RIMKLA: variants seen among roughly 807,000 people sequenced by gnomAD.
RIMKLA encodes ribosomal modification protein rimK like family member A.
A neutral mutation model predicts 32.7 loss-of-function variants in RIMKLA; 14 were observed. That is an observed-to-expected ratio of 0.43 (90% CI 0.28 to 0.67). The LOEUF (loss-of-function observed/expected upper bound fraction) is 0.67. RIMKLA is among the 30% of genes least tolerant of loss of function. The probability of loss-of-function intolerance (pLI) is 0.18; values close to 1 mark genes in which losing one functional copy is unlikely to be tolerated. For synonymous variants in RIMKLA, 176 were observed against 204.1 expected (o/e 0.86, Z 1.18); for missense variants, 410 against 519.0 (o/e 0.79, Z 2.04).
intron 3 of RIMKLA, among the ~76,000 whole-genome samples, chr1:42,408,977 G>A (rs1325077100): frequency 6.6e-6 from 1 of 151,886 alleles, no homozygotes; most frequent in Non-Finnish European, 1.5e-5. Flanking sequence ...GGAGGCTGAG[G>A]CAGGCAGATC....
At chr1:42,396,778 A>G (rs1479405653) in intron 1 of RIMKLA, among the ~76,000 whole-genome samples, 1 of 152,230 alleles carries the variant, frequency 6.6e-6, no homozygotes, top group African/African-American at 2.4e-5. Context: ...CTGTGTAGTA[A>G]TAATGCCAGT....
At chr1:42,411,336 T>TAA (rs552496213) in intron 4 of RIMKLA, among the ~76,000 whole-genome samples, 2,745 of 139,326 alleles carry the variant, frequency 0.02, 91 homozygotes, top group African/African-American at 0.066. Context: ...CCCTATCTCT[T>TAA]AAAAAAAAAA....
At chr1:42,393,275 T>C (rs1312008821) in intron 1 of RIMKLA, among the ~76,000 whole-genome samples, 1 of 152,224 alleles carries the variant, frequency 6.6e-6, no homozygotes. Flanking sequence ...AAGTAGGTGC[T>C]AAATAAATAT....
intron 2 of RIMKLA, among the ~76,000 whole-genome samples, chr1:42,402,035 G>A (rs879874124): frequency 6.6e-6 from 1 of 152,154 alleles, no homozygotes; most frequent in Non-Finnish European, 1.5e-5. Context: ...CGGGATGGCG[G>A]GAAGCTGGGA....
In RIMKLA at chr1:42,385,834, T is replaced by TTCTCTCTCTCTCTCTC. The variant is rs1230290751; in HGVS notation, c.163+4740_163+4741insCTCTCTCTCTCTCTCT. Among the ~76,000 whole-genome samples, 22 of 75,584 alleles carry TTCTCTCTCTCTCTCTC rather than the reference T, an allele frequency of 2.9e-4. 1 individual carries two copies. The highest frequency in any genetic ancestry group is 8.8e-4 in the African/African-American group (20 of 22,848). The allele number at this position is 75,584 out of a possible 152,430, so 49.6% of individuals were successfully genotyped here. A position where few individuals can be genotyped will look rare whatever the true frequency, so the allele number is the denominator to read the frequency against. On this transcript the variant is annotated intron_variant, in intron 1 of 4. Coordinates refer to ENST00000431473, the MANE Select transcript of RIMKLA (RefSeq NM_173642.4). ...TTCCTTCCTTCCTTCCTTCCTTTCT[T>TTCTCTCTCTCTCTCTC]TCTTTCTTTCTCTTTCTTTCTTTCT...
In RIMKLA at chr1:42,424,176, G is replaced by A. The variant is rs148169731; in HGVS notation, c.*9202G>A. On this transcript the variant is annotated 3_prime_UTR_variant, in exon 5 of 5. Coordinates refer to ENST00000431473, the MANE Select transcript of RIMKLA (RefSeq NM_173642.4). ...TTGGTGATTGTTCTAATAAGAATAC[G>A]TAAGAATGTGTCCTTGTTTTTAGAA... 2.6e-5 allele frequency among the ~76,000 whole-genome samples: 4 copies of A among 152,332 alleles called. No individual in the cohort carries two copies. In the East Asian group the frequency reaches 7.7e-4, roughly 29 times the overall value.
At chr1:42,382,778 A>G (rs1642900089) in intron 1 of RIMKLA, among the ~76,000 whole-genome samples, 1 of 152,224 alleles carries the variant, frequency 6.6e-6, no homozygotes, top group East Asian at 1.9e-4. Flanking sequence ...GGAAACACTC[A>G]GACCCTTTTG....
Position 42,414,970 on chromosome 1 carries a change from A to G in RIMKLA, c.1172A>G (p.Lys391Arg). Reference sequence around the variant, plus strand: ...AGGATTGCTTCTGAGTTAAAACTTAAGTGAATTCCTGCTTTTTGGCAGCAT... The same window carrying G: ...AGGATTGCTTCTGAGTTAAAACTTAGGTGAATTCCTGCTTTTTGGCAGCAT... The part of the protein sequence containing the change: ...NNRIASELKL[K>R] The change falls in exon 5 of 5, where the codon AAG (lysine) becomes AGG (arginine). Residue 391 changes from lysine to arginine, a missense_variant. Coordinates refer to ENST00000431473, the MANE Select transcript of RIMKLA (RefSeq NM_173642.4). The G allele has an allele frequency of 6.2e-7, 1 of 1,600,512 alleles. No homozygotes were observed. Among genetic ancestry groups the G allele is most frequent in the Non-Finnish European group, 8.5e-7 (1 of 1,172,890 alleles).
chr1:42,406,814 A>G (rs1030604066), intron 3 of RIMKLA, among the ~76,000 whole-genome samples: 21 of 151,878 alleles, frequency 1.4e-4, no homozygotes, highest in African/African-American at 5.1e-4. Context: ...CTTGTTGGCC[A>G]TTTGTGTATC....
At chr1:42,412,710 TGGC>T in intron 4 of RIMKLA, 6 of 435,934 alleles carry the variant, frequency 1.4e-5, no homozygotes, top group Non-Finnish European at 8.9e-6. Context: ...CTTTGGAGCA[TGGC>T]CTAATAAGAA....
intron 1 of RIMKLA, among the ~76,000 whole-genome samples, chr1:42,384,266 G>A (rs2148381638): frequency 6.6e-6 from 1 of 152,076 alleles, no homozygotes; most frequent in South Asian, 2.1e-4. Context: ...TGATCTTTAG[G>A]TGACTGAAGT....
chr1:42,385,838 T>C lies in RIMKLA; in HGVS notation c.163+4741T>C, dbSNP rs796467232. ...TTCCTTCCTTCCTTCCTTTCTTTCT[T>C]TCTTTCTCTTTCTTTCTTTCTTTCT... On this transcript the variant is annotated intron_variant, in intron 1 of 4. Transcript: ENST00000431473. Among the ~76,000 whole-genome samples, 177 of 69,562 alleles carry C rather than the reference T, an allele frequency of 2.5e-3. 22 individuals are homozygous for C. The highest frequency in any genetic ancestry group is 8.5e-3 in the Middle Eastern group (1 of 118). The allele number at this position is 69,562 out of a possible 152,430, so 45.6% of individuals were successfully genotyped here.
intron 1 of RIMKLA, among the ~76,000 whole-genome samples, chr1:42,387,858 A>G (rs569609768): frequency 2.6e-4 from 37 of 143,806 alleles, no homozygotes; most frequent in South Asian, 4.5e-4. Flanking sequence ...TATATTGGCG[A>G]AAAGAGCTAA....
chr1:42,381,806 T>C (rs1166605198), intron 1 of RIMKLA, among the ~76,000 whole-genome samples: 1 of 152,186 alleles, frequency 6.6e-6, no homozygotes, highest in African/African-American at 2.4e-5. Context: ...ATCTGTGGGT[T>C]TGACCTCAAA....
intron 4 of RIMKLA, among the ~76,000 whole-genome samples, chr1:42,413,873 C>T (rs1643223071): frequency 6.7e-6 from 1 of 149,250 alleles, no homozygotes; most frequent in African/African-American, 2.5e-5. Context: ...GCTGGAACTG[C>T]AGCTGGGGTG....
chr1:42,386,570 C>A (rs570611552), intron 1 of RIMKLA, among the ~76,000 whole-genome samples: 1 of 132,214 alleles, frequency 7.6e-6, no homozygotes, highest in Non-Finnish European at 1.6e-5. Context: ...TATAGAGACC[C>A]TGTCTCTATA....
At chr1:42,391,595 A>G (rs1643000666) in intron 1 of RIMKLA, among the ~76,000 whole-genome samples, 2 of 152,120 alleles carry the variant, frequency 1.3e-5, no homozygotes, top group Non-Finnish European at 2.9e-5. Context: ...GGTTGAGGAT[A>G]AGGGAATTTT....
intron 1 of RIMKLA, among the ~76,000 whole-genome samples, chr1:42,384,875 C>A (rs12118542): frequency 0.4 from 60,229 of 151,748 alleles, 12,572 homozygotes; most frequent in Middle Eastern, 0.54. Flanking sequence ...CTAAAATTCC[C>A]TCTGCCTCAG....
intron 4 of RIMKLA, among the ~76,000 whole-genome samples, chr1:42,414,005 G>A (rs12730579): frequency 0.58 from 88,032 of 150,802 alleles, 26,064 homozygotes; most frequent in Non-Finnish European, 0.63. Context: ...ATCCTCTCAC[G>A]TCAGCCTCCC....
Sources: allele counts gnomAD v4.1 joint callset (sites outside exome capture counted in the v4.1 genomes callset), GRCh38; gene constraint gnomAD v4.1.1; transcripts MANE v1.5; gene names NCBI Gene and HGNC (gene_info 2026-07-23, HGNC 2026-07-21).